ATXN3: variants seen among roughly 807,000 people sequenced by gnomAD.
The protein encoded by ATXN3 is ataxin 3, also known as ataxin-3.
A neutral mutation model predicts 58.2 loss-of-function variants in ATXN3; 28 were observed. The ratio of observed to expected loss-of-function variants is 0.48; its 90% CI spans 0.36 to 0.66. The LOEUF is 0.66. Ranked by LOEUF, ATXN3 falls within the 30% of genes least tolerant of loss-of-function variation. ATXN3 has a pLI of 0.00. For missense variants in ATXN3, 321 were observed against 422.1 expected, an observed-to-expected ratio of 0.76 and a Z score of 2.10; for synonymous variants, 113 against 138.5, an observed-to-expected ratio of 0.82 and a Z score of 1.29.
At chr14:92,079,595 AGAGAC>A in intron 9 of ATXN3, 1 of 213,692 alleles carries the variant, frequency 4.7e-6, no homozygotes, top group Non-Finnish European at 8.2e-6. Context: ...TCTCAATTTC[AGAGAC>A]ATTGAAATGT....
intron 9 of ATXN3, among the ~76,000 whole-genome samples, chr14:92,078,528 A>AT (rs2060854320): frequency 6.6e-6 from 1 of 151,190 alleles, no homozygotes; most frequent in Admixed American, 6.6e-5. Flanking sequence ...CGCCTGGCTA[A>AT]TTTTTTGTAT....
chr14:92,082,464 A>G lies in ATXN3; in HGVS notation c.611T>C (p.Val204Ala). The part of the protein sequence containing the change: ...EELAQLKEQR[V>A]HKTDLERVLE... The stretch of plus-strand genomic sequence containing the variant: ...CACTCGTTCCAGGTCTGTTTTATGG[A>G]CTCTAAAGAACAAAAGCACTGGTAA... Residue 204 changes from valine (V) to alanine (A), a missense_variant and splice_region_variant, in exon 8 of 11, where the codon GTC becomes GCC. Around this residue, in one of 2 missense-constraint regions of ATXN3, gnomAD observed 200 missense variants for 223.2 expected, o/e 0.90. Coordinates refer to ENST00000644486, the MANE Select transcript of ATXN3 (RefSeq NM_004993.6). 1 of 1,609,904 alleles carries G rather than the reference A, an allele frequency of 6.2e-7. No homozygotes were observed. The highest frequency in any genetic ancestry group is 8.5e-7 in the Non-Finnish European group (1 of 1,177,358).
downstream of ATXN3, among the ~76,000 whole-genome samples, chr14:92,057,152 C>T (rs923520865): frequency 6.6e-5 from 10 of 152,170 alleles, no homozygotes; most frequent in African/African-American, 9.7e-5. Flanking sequence ...ACCAGCCAGG[C>T]GAGGTGGCTC....
rs1263648372 is a variant in ATXN3 at position 92,061,448 on chromosome 14, T to G, written c.*2872A>C. Reference sequence around the variant, plus strand: ...TCTGAATTTTAAAAACATAAATTACTCATTAAATCCATGACATCTGAAAAT... The same window carrying G: ...TCTGAATTTTAAAAACATAAATTACGCATTAAATCCATGACATCTGAAAAT... On this transcript the variant is annotated 3_prime_UTR_variant, in exon 11 of 11. Coordinates refer to ENST00000644486, the MANE Select transcript of ATXN3 (RefSeq NM_004993.6). 6.6e-6 allele frequency: 1 copy of G among 152,222 alleles called. No homozygotes were observed. Among genetic ancestry groups the G allele is most frequent in the Non-Finnish European group, 1.5e-5 (1 of 68,038 alleles). The allele number at this position is 152,222 out of a possible 1,614,324, so 9.4% of individuals were successfully genotyped here.
chr14:92,071,469 A>T, intron 9 of ATXN3: 1 of 348,174 alleles, frequency 2.9e-6, no homozygotes. Flanking sequence ...GGTGGCAGGC[A>T]CCTGTAATCC....
At chr14:92,082,990 A>C in intron 7 of ATXN3, 136 bp downstream of exon 7, 1 of 1,083,180 alleles carries the variant, frequency 9.2e-7, no homozygotes, top group Non-Finnish European at 1.3e-6. Context: ...GTTTAAACTA[A>C]TAAACTTCAC....
At chr14:92,096,448 C>T (rs2141137346) in intron 2 of ATXN3, 2 of 786,348 alleles carry the variant, frequency 2.5e-6, no homozygotes, top group East Asian at 2.7e-5. Context: ...CATGGTGAAA[C>T]CCCATCTCTA....
At chr14:92,105,160 G>A (rs1464301822) in intron 1 of ATXN3, among the ~76,000 whole-genome samples, 1 of 152,082 alleles carries the variant, frequency 6.6e-6, no homozygotes, top group African/African-American at 2.4e-5. Flanking sequence ...AGTGGCTCAC[G>A]CCTGTAATCA....
At chr14:92,081,855 A>G (rs2061537495) in intron 8 of ATXN3, among the ~76,000 whole-genome samples, 1 of 152,206 alleles carries the variant, frequency 6.6e-6, no homozygotes, top group South Asian at 2.1e-4. Context: ...TTGATAGTTT[A>G]TATCACTAAA....
At chr14:92,045,581 A>G (rs1483397494) in intron 2 of ATXN3, among the ~76,000 whole-genome samples, 2 of 152,142 alleles carry the variant, frequency 1.3e-5, no homozygotes, top group Admixed American at 1.3e-4. Context: ...GGGGGCCTGA[A>G]TAATCCCTGA....
intron 1 of ATXN3, among the ~76,000 whole-genome samples, chr14:92,105,191 G>A (rs1378519135): frequency 6.6e-6 from 1 of 152,162 alleles, no homozygotes; most frequent in Admixed American, 6.5e-5. Context: ...AGAGGCCGAG[G>A]TGGGAGAATC....
chr14:92,070,044 C>T (rs1269698450), intron 10 of ATXN3, among the ~76,000 whole-genome samples: 1 of 152,058 alleles, frequency 6.6e-6, no homozygotes, highest in African/African-American at 2.4e-5. Context: ...AAATCCTTCA[C>T]CTTTTTATTG....
intron 9 of ATXN3, among the ~76,000 whole-genome samples, chr14:92,073,093 C>T (rs2059726852): frequency 1.3e-5 from 2 of 152,228 alleles, no homozygotes; most frequent in Admixed American, 1.3e-4. Context: ...TGCTATCACT[C>T]CATGCCCTCT....
At chr14:92,053,491 T>C (rs561549832), upstream of ATXN3, among the ~76,000 whole-genome samples, 126 of 149,842 alleles carry the variant, frequency 8.4e-4, no homozygotes, top group African/African-American at 3.0e-3. Context: ...TTTCTTTCTT[T>C]CTTTTTTTTT....
chr14:92,052,067 A>G (rs1285481708), upstream of ATXN3, among the ~76,000 whole-genome samples: 1 of 151,854 alleles, frequency 6.6e-6, no homozygotes, highest in Non-Finnish European at 1.5e-5. Flanking sequence ...GTCTACATCT[A>G]ACCCCCACCT....
intron 6 of ATXN3, among the ~76,000 whole-genome samples, chr14:92,084,654 G>GC (rs1349198669): frequency 6.6e-6 from 1 of 150,950 alleles, no homozygotes; most frequent in African/African-American, 2.4e-5. Flanking sequence ...TTAGCTCACT[G>GC]CAACCTCTGC....
At chr14:92,057,753 G>C (rs545554435), downstream of ATXN3, among the ~76,000 whole-genome samples, 4 of 152,230 alleles carry the variant, frequency 2.6e-5, no homozygotes, top group South Asian at 8.3e-4. Flanking sequence ...TTTGGATTCT[G>C]GTGTCCAGAG....
intron 6 of ATXN3, among the ~76,000 whole-genome samples, chr14:92,084,084 T>G (rs2061945560): frequency 6.6e-6 from 1 of 152,178 alleles, no homozygotes; most frequent in Non-Finnish European, 1.5e-5. Context: ...TTTTGAGGTT[T>G]TGGGACTTGG....
intron 10 of ATXN3, among the ~76,000 whole-genome samples, chr14:92,066,090 T>TAAA (rs112122875): frequency 1.5e-4 from 22 of 143,148 alleles, no homozygotes; most frequent in African/African-American, 5.4e-4. Context: ...AGTGTAATAC[T>TAAA]AAAAAAAAAA....
Sources: gnomAD v4.1 joint callset for allele counts (sites outside exome capture counted in the v4.1 genomes callset) on GRCh38, gnomAD v4.1.1 for gene constraint, gnomAD v4.1.1 regional missense constraint, MANE v1.5 for transcripts, NCBI Gene and HGNC (gene_info 2026-07-23, HGNC 2026-07-21) for gene names.